Variants in TSPAN9 observed in about 807,000 individuals in gnomAD.
TSPAN9 encodes tetraspanin-9.
Under a neutral mutation model 31.0 loss-of-function variants are expected in TSPAN9, and 16 were observed. The observed-to-expected ratio is 0.52, with a 90% CI of 0.35 to 0.78. The LOEUF (loss-of-function observed/expected upper bound fraction) is 0.78. Among genes scored for constraint, TSPAN9 ranks in the 30% least tolerant of loss-of-function variants. The pLI is 0.01. For synonymous variants in TSPAN9, 145 were observed against 121.6 expected (o/e 1.19, Z -1.27); for missense variants, 272 against 312.5 (o/e 0.87, Z 0.98).
chr12:3,157,429 T>G (rs2098342857), intron 2 of TSPAN9, among the ~76,000 whole-genome samples: 1 of 151,968 alleles, frequency 6.6e-6, no homozygotes, highest in Non-Finnish European at 1.5e-5. Flanking sequence ...AGAATGTGGG[T>G]TTTTGAAGCT....
chr12:3,105,765 C>T (rs978610803), intron 2 of TSPAN9, among the ~76,000 whole-genome samples: 3 of 71,534 alleles, frequency 4.2e-5, no homozygotes, highest in African/African-American at 6.6e-5. Context: ...CACGCACACA[C>T]GCGCACGCAC....
intron 2 of TSPAN9, among the ~76,000 whole-genome samples, chr12:3,111,664 A>G (rs1397800414): frequency 7.2e-6 from 1 of 138,178 alleles, no homozygotes; most frequent in Admixed American, 8.0e-5. Flanking sequence ...CCCAGGCTGG[A>G]GTGCAGTGGT....
intron 2 of TSPAN9, among the ~76,000 whole-genome samples, chr12:3,101,458 C>T (rs1181480407): frequency 1.3e-5 from 2 of 152,144 alleles, no homozygotes; most frequent in Non-Finnish European, 2.9e-5. Flanking sequence ...AGATGCCACT[C>T]TACACAATTT....
rs1862868245 is a variant in TSPAN9, at chr12:3,280,242, C to T, written c.331-140C>T. 5.6e-6 allele frequency: 4 copies of T among 718,932 alleles called. No individual in the cohort carries two copies. 44.5% of individuals were successfully genotyped at this position (718,932 alleles called of 1,614,324 possible). On this transcript the variant is annotated intron_variant, in intron 5 of 8. Coordinates refer to ENST00000011898, the MANE Select transcript of TSPAN9 (RefSeq NM_006675.5). The surrounding 1 kb of genome is among the most constrained non-coding windows in gnomAD (Gnocchi z 4.5). ...CAGCAGAGGCCCCCACCCCAGTGGG[C>T]AGGGCCTTCCAGACCAGCTGCCTTC...
At chr12:3,158,024 A>T (rs778125512) in intron 2 of TSPAN9, among the ~76,000 whole-genome samples, 26 of 152,322 alleles carry the variant, frequency 1.7e-4, no homozygotes, top group Middle Eastern at 3.4e-3. Flanking sequence ...AATGGAAAAG[A>T]TGAAGGACTG....
At chr12:3,094,388 G>A (rs2098306687) in intron 2 of TSPAN9, among the ~76,000 whole-genome samples, 1 of 152,082 alleles carries the variant, frequency 6.6e-6, no homozygotes, top group Non-Finnish European at 1.5e-5. Context: ...AGACTCCAGG[G>A]ACCTCCCCAT....
intron 2 of TSPAN9, chr12:3,173,811 ATCTC>A (rs1313549250): frequency 2.0e-5 from 3 of 151,824 alleles, no homozygotes; most frequent in African/African-American, 4.8e-5. Context: ...TTGTTTAAAG[ATCTC>A]TCTCTCTCCT....
At position 3,143,641 on chromosome 12, in the gene TSPAN9, C is replaced by T. The variant is rs1258996194; in HGVS notation, c.-17-57536C>T. ...ATAAATATCAGGATATATATTTTAT[C>T]CTATAGGTTAGAGTTACAGGAACAG... On this transcript the variant is annotated intron_variant, in intron 2 of 8. Coordinates refer to ENST00000011898, the MANE Select transcript of TSPAN9 (RefSeq NM_006675.5). This position sits in a 1 kb window ranked among gnomAD's most constrained non-coding sequence, Gnocchi z 4.2. Among the ~76,000 whole-genome samples the T allele has an allele frequency of 6.6e-6, 1 of 152,058 alleles. No homozygotes were observed. The highest frequency in any genetic ancestry group is 1.9e-4 in the East Asian group (1 of 5,200).
rs372816436 is a variant in TSPAN9 at position 3,279,014 on chromosome 12, T to C, written c.278T>C (p.Ile93Thr). 22 of 1,614,082 alleles carry C rather than the reference T, an allele frequency of 1.4e-5. No individual in the cohort carries two copies. The highest frequency in any genetic ancestry group is 1.6e-4 in the Middle Eastern group (1 of 6,084). Residue 93 changes from isoleucine to threonine, a missense_variant, in exon 5 of 9, where the codon ATC becomes ACC. By Grantham distance (89) the Ile-to-Thr change is moderately conservative (BLOSUM62 -1). Coordinates refer to ENST00000011898, the MANE Select transcript of TSPAN9 (RefSeq NM_006675.5). ...LLSFFIVLLVILLAELILLIL... is the reference protein window; with the variant it reads ...LLSFFIVLLVTLLAELILLIL... Reference sequence around the variant, plus strand: ...CAGTTTTTCATCGTCCTGTTGGTCATCCTCCTAGCAGAGCTGATCTTACTC... The same window carrying C: ...CAGTTTTTCATCGTCCTGTTGGTCACCCTCCTAGCAGAGCTGATCTTACTC...
intron 3 of TSPAN9, among the ~76,000 whole-genome samples, chr12:3,262,372 C>T (rs200772216): frequency 1.4e-5 from 2 of 147,800 alleles, no homozygotes; most frequent in Non-Finnish European, 1.5e-5. Context: ...GGCTGCTGCT[C>T]TTTTTTTTTT....
chr12:3,127,456 C>T (rs1182991571), intron 2 of TSPAN9, among the ~76,000 whole-genome samples: 11 of 151,822 alleles, frequency 7.2e-5, no homozygotes, highest in Admixed American at 2.0e-4. Flanking sequence ...CCTGGGTTCA[C>T]GCCATTCTCC....
intron 3 of TSPAN9, among the ~76,000 whole-genome samples, chr12:3,273,404 C>G (rs1167016972): frequency 6.6e-6 from 1 of 152,178 alleles, no homozygotes; most frequent in Non-Finnish European, 1.5e-5. Flanking sequence ...GGGCATCAAT[C>G]AGGCCTGGAC....
intron 3 of TSPAN9, among the ~76,000 whole-genome samples, chr12:3,273,870 C>T (rs942026276): frequency 1.1e-4 from 17 of 152,242 alleles, no homozygotes; most frequent in African/African-American, 4.1e-4. Context: ...TTGCTCCCTC[C>T]CCGATCTCAG....
intron 3 of TSPAN9, among the ~76,000 whole-genome samples, chr12:3,252,078 C>T (rs1379668317): frequency 6.6e-6 from 1 of 152,058 alleles, no homozygotes; most frequent in Non-Finnish European, 1.5e-5. Flanking sequence ...GGTCCCTGTT[C>T]TGCCCCACTA....
At chr12:3,152,910 T>C (rs150652342) in intron 2 of TSPAN9, among the ~76,000 whole-genome samples, 1 of 152,322 alleles carries the variant, frequency 6.6e-6, no homozygotes, top group Non-Finnish European at 1.5e-5. Context: ...TTTCTTATGC[T>C]GCATCAGAAG....
intron 3 of TSPAN9, among the ~76,000 whole-genome samples, chr12:3,226,134 C>T (rs1210867510): frequency 1.3e-5 from 2 of 151,402 alleles, no homozygotes; most frequent in Non-Finnish European, 2.9e-5. Context: ...ATTGCTCTGG[C>T]TGAGTGCAGA....
chr12:3,256,225 A>G (rs1591708871), intron 3 of TSPAN9, among the ~76,000 whole-genome samples: 1 of 152,188 alleles, frequency 6.6e-6, no homozygotes, highest in African/African-American at 2.4e-5. Context: ...CTGGTGAGAG[A>G]GGCTGCAGGA....
intron 2 of TSPAN9, among the ~76,000 whole-genome samples, chr12:3,165,251 G>C (rs1157411002): frequency 6.6e-6 from 1 of 152,164 alleles, no homozygotes; most frequent in Non-Finnish European, 1.5e-5. Context: ...AGTGCATCTA[G>C]ATCTTAGCAA....
chr12:3,229,064 A>G (rs1374083114), intron 3 of TSPAN9, among the ~76,000 whole-genome samples: 2 of 152,218 alleles, frequency 1.3e-5, no homozygotes, highest in African/African-American at 2.4e-5. Flanking sequence ...GATCCTTCAT[A>G]TAATCACATC....
Sources: gnomAD v4.1 joint callset for allele counts (sites outside exome capture counted in the v4.1 genomes callset) on GRCh38, gnomAD v4.1.1 for gene constraint, Gnocchi (gnomAD v3.1) non-coding constraint, MANE v1.5 for transcripts, NCBI Gene and HGNC (gene_info 2026-07-23, HGNC 2026-07-21) for gene names.